SPC25: variants seen among roughly 807,000 people sequenced by gnomAD.
SPC25 encodes the protein kinetochore protein Spc25.
A neutral mutation model predicts 29.6 loss-of-function variants in SPC25; 22 were observed. That is an observed-to-expected ratio of 0.74 (90% CI 0.53 to 1.06). The LOEUF (loss-of-function observed/expected upper bound fraction) is 1.06. SPC25 is among the 50% of genes least tolerant of loss of function. SPC25 has a pLI of 0.00. For missense variants in SPC25, 230 were observed against 255.8 expected, an observed-to-expected ratio of 0.90 and a Z score of 0.69; for synonymous variants, 91 against 90.4, an observed-to-expected ratio of 1.01 and a Z score of -0.04.
At position 168,889,440 on chromosome 2, in the gene SPC25, C is replaced by G; in HGVS notation, c.80G>C (p.Cys27Ser). ...GGTATCTCTTAGTCCCGCCATCTGA[C>G]AGGAGGTGTCCGTACTTTTGAATTT... The part of the protein sequence containing the change: ...WNKFKSTDTS[C>S]QMAGLRDTYK... The change falls in exon 2 of 7, where the codon TGT becomes TCT. Residue 27 changes from cysteine (C) to serine (S), a missense_variant. Transcript: ENST00000282074. 6.2e-7 allele frequency: 1 copy of G among 1,614,152 alleles called. No individual in the cohort carries two copies. Among genetic ancestry groups the G allele is most frequent in the Non-Finnish European group, 8.5e-7 (1 of 1,180,034 alleles).
chr2:168,881,927 T>C (rs1358717237), intron 3 of SPC25, among the ~76,000 whole-genome samples: 1 of 152,206 alleles, frequency 6.6e-6, no homozygotes, highest in Non-Finnish European at 1.5e-5. Flanking sequence ...GAACAACATC[T>C]CTCAAGACAA....
chr2:168,868,745 A>G (rs1219311665), downstream of SPC25, among the ~76,000 whole-genome samples: 1 of 152,240 alleles, frequency 6.6e-6, no homozygotes, highest in Non-Finnish European at 1.5e-5. Context: ...GTCCAGGACC[A>G]GATGGATTCA....
chr2:168,862,114 C>A, intron 4 of SPC25: 1 of 1,445,914 alleles, frequency 6.9e-7, no homozygotes, highest in Non-Finnish European at 9.7e-7. Context: ...TGAATAAAAC[C>A]CTGTCTTAGT....
At chr2:168,871,718 T>A (rs1245431883) in intron 6 of SPC25, among the ~76,000 whole-genome samples, 163 bp from the exon 7 acceptor site, 2 of 152,152 alleles carry the variant, frequency 1.3e-5, no homozygotes, top group African/African-American at 4.8e-5. Flanking sequence ...ATGCCAAATA[T>A]CTTTTGGACC....
chr2:168,884,918 G>A (rs1690236914), intron 3 of SPC25: 1 of 152,140 alleles, frequency 6.6e-6, no homozygotes, highest in Non-Finnish European at 1.5e-5. Flanking sequence ...CTGGCACACA[G>A]TAATGAGTAA....
At chr2:168,866,853 C>G (rs1047762520), downstream of SPC25, among the ~76,000 whole-genome samples, 1 of 151,844 alleles carries the variant, frequency 6.6e-6, no homozygotes, top group Non-Finnish European at 1.5e-5. Flanking sequence ...ATTTATGCAG[C>G]CAAAAAACAC....
downstream of SPC25, among the ~76,000 whole-genome samples, chr2:168,867,949 T>G (rs1433798460): frequency 6.6e-6 from 1 of 152,246 alleles, no homozygotes; most frequent in Non-Finnish European, 1.5e-5. Context: ...ACCACATACT[T>G]GGAAGTAAAG....
chr2:168,879,103 G>C (rs1176096677), intron 3 of SPC25, among the ~76,000 whole-genome samples: 1 of 152,172 alleles, frequency 6.6e-6, no homozygotes, highest in African/African-American at 2.4e-5. Context: ...GGAGGGTCTT[G>C]CCTTGATGTT....
chr2:168,883,543 C>G (rs1057493454), intron 3 of SPC25, among the ~76,000 whole-genome samples: 1 of 152,146 alleles, frequency 6.6e-6, no homozygotes, highest in South Asian at 2.1e-4. Flanking sequence ...CCAAAGATCT[C>G]GGTCAAAATC....
chr2:168,882,283 C>T (rs577190489), intron 3 of SPC25, among the ~76,000 whole-genome samples: 1 of 152,328 alleles, frequency 6.6e-6, no homozygotes, highest in Admixed American at 6.5e-5. Context: ...AGTTCAGTAA[C>T]TTGCCCAAAG....
chr2:168,870,273 A>T (rs1367526182), downstream of SPC25, among the ~76,000 whole-genome samples: 1 of 151,746 alleles, frequency 6.6e-6, no homozygotes, highest in African/African-American at 2.4e-5. Context: ...AACCTAGGCA[A>T]TACCATTCAG....
Position 168,871,526 on chromosome 2 carries a change from G to A in SPC25, c.580C>T (p.Leu194=), listed in dbSNP as rs1418313324. 1.2e-6 allele frequency: 2 copies of A among 1,601,030 alleles called. No homozygotes were observed. Among genetic ancestry groups the A allele is most frequent in the East Asian group, 4.5e-5 (2 of 44,466 alleles). ...CTTACATTCTCTTGAAATTCTGCTA[G>A]GCCCTCAAGATGAGGGGCACTATCT... is the stretch of plus-strand genomic sequence containing the variant. ...VSDSAPHLEG[L]AEFQENVRKT... is the part of the protein sequence containing the mutation. The change falls in exon 7 of 7, where the codon CTA becomes TTA. Residue 194 remains leucine, a synonymous_variant. Transcript: ENST00000282074.
rs376940649 is a variant in SPC25 at position 168,889,229 on chromosome 2, T to G, written c.196A>C (p.Asn66His). The G allele has an allele frequency of 1.3e-5, 21 of 1,611,772 alleles. No homozygotes were observed. Among genetic ancestry groups the G allele is most frequent in the Non-Finnish European group, 1.8e-5 (21 of 1,179,276 alleles). ...RMVEMFLEYQ[N>H]QISRQNKLIQ... The stretch of plus-strand genomic sequence containing the variant: ...TGATTTATACTTTTTCACATACGAT[T>G]TTGATATTCCAGAAACATCTCAACC... Residue 66 changes from asparagine to histidine, a missense_variant, in exon 3 of 7, where the codon AAT becomes CAT. By Grantham distance (68) the Asn-to-His change is moderately conservative (BLOSUM62 1). Coordinates refer to ENST00000282074, the MANE Select transcript of SPC25 (RefSeq NM_020675.4).
chr2:168,865,078 T>A, intron 4 of SPC25: 1 of 1,231,184 alleles, frequency 8.1e-7, no homozygotes, highest in Non-Finnish European at 1.1e-6. Context: ...TTGAAATGGA[T>A]GGAGTTCTAC....
rs1690094751 is a variant in SPC25 at position 168,876,801 on chromosome 2, C to T, written c.346+437G>A. Among the ~76,000 whole-genome samples the T allele has an allele frequency of 2.0e-5, 3 of 152,180 alleles. No individual in the cohort carries two copies. The South Asian group carries it at 6.2e-4, about 32-fold the overall frequency. On this transcript the variant is annotated intron_variant, in intron 4 of 6. Transcript: ENST00000282074. ...GTTTGTGAGCAAACAAGGCTCCTTTCTAAAAGATGCATTCATTTGAATATG... is the reference window on the plus strand; with the variant it reads ...GTTTGTGAGCAAACAAGGCTCCTTTTTAAAAGATGCATTCATTTGAATATG...
intron 4 of SPC25, chr2:168,862,132 C>A: frequency 1.6e-6 from 2 of 1,232,692 alleles, no homozygotes; most frequent in East Asian, 2.4e-5. Flanking sequence ...AGTGTGGCAG[C>A]CTTAAGAGTT....
At position 168,878,408 on chromosome 2, in the gene SPC25, A is replaced by G. The variant is rs1417235660; in HGVS notation, c.200-1024T>C. Among the ~76,000 whole-genome samples, 8 of 152,352 alleles carry G rather than the reference A, an allele frequency of 5.3e-5. No homozygotes were observed. In the South Asian group the frequency reaches 1.4e-3, roughly 28 times the overall value. ...CATCCACTCCTGACTATTCTTAACTATAAATGGAAGGACATTTAACATGAT... is the reference window on the plus strand; with the variant it reads ...CATCCACTCCTGACTATTCTTAACTGTAAATGGAAGGACATTTAACATGAT... On this transcript the variant is annotated intron_variant, in intron 3 of 6. Coordinates refer to ENST00000282074, the MANE Select transcript of SPC25 (RefSeq NM_020675.4).
chr2:168,865,588 C>T (rs1037785520), intron 4 of SPC25: 5 of 152,430 alleles, frequency 3.3e-5, no homozygotes, highest in African/African-American at 1.2e-4. Flanking sequence ...CTCACCACTC[C>T]TATTCAACAT....
At chr2:168,869,605 C>G (rs1242031910), downstream of SPC25, among the ~76,000 whole-genome samples, 11 of 152,226 alleles carry the variant, frequency 7.2e-5, no homozygotes, top group East Asian at 1.9e-3. Flanking sequence ...CTCCCATTCA[C>G]AATTGCTTCA....
Sources: allele counts gnomAD v4.1 joint callset (sites outside exome capture counted in the v4.1 genomes callset), GRCh38; gene constraint gnomAD v4.1.1; transcripts MANE v1.5; gene names NCBI Gene and HGNC (gene_info 2026-07-23, HGNC 2026-07-21).